The following NFASC variants were observed in gnomAD, a reference collection of about 807,000 sequenced individuals.
NFASC encodes neurofascin.
A neutral mutation model predicts 147.5 loss-of-function variants in NFASC; 43 were observed. That is an observed-to-expected ratio of 0.29 (90% CI 0.23 to 0.38). The LOEUF (loss-of-function observed/expected upper bound fraction) is 0.38. NFASC is among the 10% of genes least tolerant of loss of function. The probability of loss-of-function intolerance (pLI) is 1.00; values close to 1 mark genes in which losing one functional copy is unlikely to be tolerated. For missense variants in NFASC, 1,320 were observed against 1,689.0 expected (o/e 0.78, Z 3.83); for synonymous variants, 622 against 665.5 (o/e 0.93, Z 1.01).
At chr1:204,842,596 T>C (rs1420363659) in intron 1 of NFASC, among the ~76,000 whole-genome samples, 1 of 152,248 alleles carries the variant, frequency 6.6e-6, no homozygotes, top group Non-Finnish European at 1.5e-5. Flanking sequence ...CCCAGAAGCC[T>C]GGCCCGTTCT....
At chr1:204,831,491 G>T (rs958125954) in intron 1 of NFASC, among the ~76,000 whole-genome samples, 1 of 151,894 alleles carries the variant, frequency 6.6e-6, no homozygotes, top group Non-Finnish European at 1.5e-5. Context: ...GAGACAGGAT[G>T]CCAAGGCTCT....
rs1553266033 is a variant in NFASC at position 204,939,038 on chromosome 1, A to ATGGATGTGTGTGTGTGTGTG, written c.-90-5186_-90-5185insGATGTGTGTGTGTGTGTGTG. 2.6e-3 allele frequency among the ~76,000 whole-genome samples: 321 copies of ATGGATGTGTGTGTGTGTGTG among 123,702 alleles called. 4 individuals carry two copies. Among genetic ancestry groups the ATGGATGTGTGTGTGTGTGTG allele is most frequent in the Non-Finnish European group, 4.0e-3 (231 of 58,412 alleles). 81.2% of individuals were successfully genotyped at this position (123,702 alleles called of 152,430 possible). ...TTCTCTTTTCTTCCTGTATGGATGG[A>ATGGATGTGTGTGTGTGTGTG]TGTGTGTGTGTGTGTGTGTGTGTGT... On this transcript the variant is annotated intron_variant, in intron 2 of 29. Coordinates refer to ENST00000339876, the MANE Select transcript of NFASC (RefSeq NM_001005388.3).
chr1:204,874,093 A>G (rs1450399543), intron 1 of NFASC, among the ~76,000 whole-genome samples: 2 of 152,218 alleles, frequency 1.3e-5, no homozygotes, highest in African/African-American at 2.4e-5. Flanking sequence ...TGAAATCATT[A>G]GCACAGGAGT....
chr1:204,847,621 A>G (rs2075295755), intron 1 of NFASC, among the ~76,000 whole-genome samples: 1 of 152,080 alleles, frequency 6.6e-6, no homozygotes, highest in African/African-American at 2.4e-5. Context: ...CTCATTGGCT[A>G]TGCATTTGGG....
At chr1:204,910,128 G>A (rs1023029877) in intron 1 of NFASC, among the ~76,000 whole-genome samples, 1 of 151,598 alleles carries the variant, frequency 6.6e-6, no homozygotes, top group Non-Finnish European at 1.5e-5. Context: ...ATTTTGTTGG[G>A]ATTTTAATAA....
intron 1 of NFASC, among the ~76,000 whole-genome samples, chr1:204,871,526 C>T (rs527472957): frequency 5.9e-5 from 9 of 152,274 alleles, no homozygotes; most frequent in East Asian, 1.9e-4. Flanking sequence ...CTCTGTCCTA[C>T]GTTAGTCTTC....
At chr1:204,964,132 G>T (rs1573829977) in intron 8 of NFASC, among the ~76,000 whole-genome samples, 1 of 152,134 alleles carries the variant, frequency 6.6e-6, no homozygotes, top group East Asian at 1.9e-4. Context: ...CAGGGTCCGG[G>T]ACATACCATT....
At chr1:204,982,295 C>T (rs779796407) in intron 21 of NFASC, among the ~76,000 whole-genome samples, 1 of 152,230 alleles carries the variant, frequency 6.6e-6, no homozygotes, top group Non-Finnish European at 1.5e-5. Flanking sequence ...GGAAAACCCT[C>T]GGCAGTGTTC....
intron 1 of NFASC, among the ~76,000 whole-genome samples, chr1:204,877,920 C>T (rs1024851594): frequency 6.6e-6 from 1 of 152,172 alleles, no homozygotes; most frequent in Non-Finnish European, 1.5e-5. Flanking sequence ...CCTCTGACTT[C>T]GTGCCTGTGG....
At chr1:204,896,179 A>C (rs1409158106) in intron 1 of NFASC, among the ~76,000 whole-genome samples, 1 of 152,194 alleles carries the variant, frequency 6.6e-6, no homozygotes, top group Non-Finnish European at 1.5e-5. Flanking sequence ...GCATCGCCTG[A>C]AGCTGCCGCA....
chr1:204,918,326 C>G (rs1407093973), intron 1 of NFASC, among the ~76,000 whole-genome samples: 1 of 152,090 alleles, frequency 6.6e-6, no homozygotes, highest in African/African-American at 2.4e-5. Flanking sequence ...CAGCTCAACA[C>G]AAATTCATAA....
At chr1:205,011,215 C>CCCA (rs397828457) in intron 28 of NFASC, among the ~76,000 whole-genome samples, 13 of 151,176 alleles carry the variant, frequency 8.6e-5, no homozygotes, top group African/African-American at 2.9e-4. Flanking sequence ...GGACCCCCCC[C>CCCA]AAAACTCAAC....
intron 1 of NFASC, among the ~76,000 whole-genome samples, chr1:204,891,295 C>G (rs1380674632): frequency 6.6e-6 from 1 of 152,186 alleles, no homozygotes; most frequent in Non-Finnish European, 1.5e-5. Context: ...TCAAACCCAA[C>G]CAGTGGCTCA....
At chr1:204,831,363 A>G (rs931903104) in intron 1 of NFASC, among the ~76,000 whole-genome samples, 1 of 145,906 alleles carries the variant, frequency 6.9e-6, no homozygotes, top group Non-Finnish European at 1.5e-5. Context: ...TGCGCTCACA[A>G]GGGCTGGTTC....
At chr1:204,991,513 A>G (rs1170574216) in intron 24 of NFASC, among the ~76,000 whole-genome samples, 1 of 152,148 alleles carries the variant, frequency 6.6e-6, no homozygotes, top group Non-Finnish European at 1.5e-5. Context: ...CCCCCTTCCC[A>G]AACTATTTGC....
chr1:204,856,768 A>G (rs1362687503), intron 1 of NFASC, among the ~76,000 whole-genome samples: 1 of 152,216 alleles, frequency 6.6e-6, no homozygotes, highest in Non-Finnish European at 1.5e-5. Flanking sequence ...AAATCATACA[A>G]TATGTAGCCT....
At chr1:204,869,679 C>T (rs558024816) in intron 1 of NFASC, among the ~76,000 whole-genome samples, 46 of 152,260 alleles carry the variant, frequency 3.0e-4, no homozygotes, top group African/African-American at 7.7e-4. Flanking sequence ...TCCCGAGGCT[C>T]GCCTGCACTA....
rs55784616 is a variant in NFASC, at chr1:204,839,368, AACACACACACAC to A, written c.-200+10625_-200+10636del. Among the ~76,000 whole-genome samples, 1,127 of 135,192 alleles carry A rather than the reference AACACACACACAC, an allele frequency of 8.3e-3. 17 individuals carry two copies. Among genetic ancestry groups the A allele is most frequent in the African/African-American group, 0.028 (1,020 of 36,570 alleles). The allele number at this position is 135,192 out of a possible 152,430, so 88.7% of individuals were successfully genotyped here. A position where few individuals can be genotyped will look rare whatever the true frequency, so the allele number is the denominator to read the frequency against. On this transcript the variant is annotated intron_variant, in intron 1 of 29. Coordinates refer to ENST00000339876, the MANE Select transcript of NFASC (RefSeq NM_001005388.3). ...GGAGAGGAAAGGCAGGCACGTATGAAACACACACACACACACACACACACACACACACACACA... is the reference window on the plus strand; with the variant it reads ...GGAGAGGAAAGGCAGGCACGTATGAAACACACACACACACACACACACACA...
chr1:204,960,282 T>C (rs532710140), intron 8 of NFASC, among the ~76,000 whole-genome samples: 1 of 152,346 alleles, frequency 6.6e-6, no homozygotes, highest in East Asian at 1.9e-4. Context: ...GACAATGGTA[T>C]GTAATGCAAA....
Sources: gnomAD v4.1 joint callset for allele counts (sites outside exome capture counted in the v4.1 genomes callset) on GRCh38, gnomAD v4.1.1 for gene constraint, MANE v1.5 for transcripts, NCBI Gene and HGNC (gene_info 2026-07-23, HGNC 2026-07-21) for gene names.